The following DNAAF1 variants were observed in gnomAD, a reference collection of about 807,000 sequenced individuals.
DNAAF1 encodes the protein dynein assembly factor 1, axonemal.
Under a neutral mutation model 71.1 loss-of-function variants are expected in DNAAF1, and 65 were observed. The observed-to-expected ratio is 0.91, with a 90% confidence interval of 0.75 to 1.12. The LOEUF (loss-of-function observed/expected upper bound fraction) is 1.12. DNAAF1 is among the 50% of genes most tolerant of loss of function. The pLI is 0.00. For missense variants in DNAAF1, 1,178 were observed against 899.8 expected, an observed-to-expected ratio of 1.31 and a Z score of -3.96; for synonymous variants, 414 against 354.6, an observed-to-expected ratio of 1.17 and a Z score of -1.88.
At chr16:84,155,058 A>C (rs573530384) in intron 4 of DNAAF1, among the ~76,000 whole-genome samples, 1 of 151,902 alleles carries the variant, frequency 6.6e-6, no homozygotes, top group Non-Finnish European at 1.5e-5. Flanking sequence ...ACAGGCACCC[A>C]CCACCACACC....
At chr16:84,148,231 T>C (rs1306279762) in intron 1 of DNAAF1, among the ~76,000 whole-genome samples, 18 of 152,206 alleles carry the variant, frequency 1.2e-4, no homozygotes, top group Admixed American at 1.2e-3. Context: ...GTGTATAGTA[T>C]TGCTTTGCAT....
Position 84,166,011 on chromosome 16 carries a change from C to G in DNAAF1, c.1030+62C>G, listed in dbSNP as rs11866161. On this transcript the variant is annotated intron_variant, in intron 7 of 11. Transcript: ENST00000378553. ...CTTTGAGATTAGGCAAGTCTAAGCT[C>G]TCAAACCCAGTCTTTAATCTTGGGA... The G allele has an allele frequency of 7.5e-3, 11,264 of 1,495,338 alleles. 679 individuals are homozygous for G. In the African/African-American group the frequency reaches 0.14, roughly 18 times the overall value. The allele number at this position is 1,495,338 out of a possible 1,614,324, so 92.6% of individuals were successfully genotyped here.
chr16:84,155,154 C>T (rs539158946), intron 4 of DNAAF1, among the ~76,000 whole-genome samples: 9 of 152,264 alleles, frequency 5.9e-5, no homozygotes, highest in South Asian at 4.1e-4. Context: ...GTGATCCGCC[C>T]GCCTTGGCCT....
chr16:84,159,095 G>A, intron 5 of DNAAF1: 9 of 992,678 alleles, frequency 9.1e-6, no homozygotes, highest in Non-Finnish European at 1.1e-5. Context: ...ATTTAAAGAT[G>A]GGGGAGGATG....
intron 8 of DNAAF1, among the ~76,000 whole-genome samples, chr16:84,170,622 C>G (rs1307452069): frequency 6.6e-6 from 1 of 150,822 alleles, no homozygotes; most frequent in Non-Finnish European, 1.5e-5. Flanking sequence ...CTGATTGAGG[C>G]CAGGAGTTTC....
intron 1 of DNAAF1, among the ~76,000 whole-genome samples, chr16:84,148,555 A>C (rs2087022185): frequency 1.4e-5 from 2 of 144,058 alleles, no homozygotes; most frequent in South Asian, 2.2e-4. Flanking sequence ...AATGCTTTAA[A>C]AATTGTTACA....
In DNAAF1 at chr16:84,170,258, C is replaced by T. The variant is rs769351361; in HGVS notation, c.1430C>T (p.Pro477Leu). ...TLPAETLLLSPPVKVKGEDGD... is the reference protein window; with the variant it reads ...TLPAETLLLSLPVKVKGEDGD... ...CCAGCTGAGACCCTGCTACTGTCAC[C>T]GCCTGTGAAGGTTAAAGGAGAGGAT... Residue 477 changes from proline to leucine, a missense_variant, in exon 8 of 12, where the codon CCG becomes CTG. By Grantham distance (98) the Pro-to-Leu change is moderately conservative (BLOSUM62 -3). Transcript: ENST00000378553. The T allele has an allele frequency of 1.2e-5, 19 of 1,609,792 alleles. No individual in the cohort carries two copies. The highest frequency in any genetic ancestry group is 2.7e-5 in the African/African-American group (2 of 74,752).
At chr16:84,167,904 C>G (rs2088109841) in intron 7 of DNAAF1, among the ~76,000 whole-genome samples, 1 of 152,014 alleles carries the variant, frequency 6.6e-6, no homozygotes, top group Admixed American at 6.5e-5. Context: ...ATAATCCCAG[C>G]TACTTGGGAG....
intron 3 of DNAAF1, 84 bp downstream of exon 3, chr16:84,150,426 T>G: frequency 9.6e-7 from 1 of 1,037,164 alleles, no homozygotes. Context: ...AGGGATCACC[T>G]TTAGTTCTCA....
At position 84,177,743 on chromosome 16, in the gene DNAAF1, G is replaced by T. The variant is rs376164700; in HGVS notation, c.2080G>T (p.Ala694Ser). 6.2e-7 allele frequency: 1 copy of T among 1,613,720 alleles called. No homozygotes were observed. Among genetic ancestry groups the T allele is most frequent in the South Asian group, 1.1e-5 (1 of 91,076 alleles). ...TCCTTCCACAGTGCCGACTGAGAGC[G>T]CCGCCACACCCCCAGAGACGTGTGT... ...AASSPVPTESAATPPETCVGV... is the reference protein window; with the variant it reads ...AASSPVPTESSATPPETCVGV... The change falls in exon 12 of 12, where the codon GCC (alanine) becomes TCC (serine). Residue 694 changes from alanine to serine, a missense_variant. By Grantham distance (99) the Ala-to-Ser change is moderately conservative (BLOSUM62 1). Transcript: ENST00000378553.
At chr16:84,156,690 T>C (rs1018675965) in intron 5 of DNAAF1, among the ~76,000 whole-genome samples, 2 of 152,202 alleles carry the variant, frequency 1.3e-5, no homozygotes, top group African/African-American at 4.8e-5. Context: ...TCTCTCAGCA[T>C]CTGTTAGCTA....
chr16:84,174,278 G>A (rs2088537702), intron 9 of DNAAF1: 2 of 1,082,362 alleles, frequency 1.8e-6, no homozygotes, highest in African/African-American at 1.7e-5. Context: ...CAAGTTTTGG[G>A]GAGGTACAAA....
At position 84,176,233 on chromosome 16, in the gene DNAAF1, A is replaced by G; in HGVS notation, c.1999A>G (p.Arg667Gly). 4 of 1,613,748 alleles carry G rather than the reference A, an allele frequency of 2.5e-6. No homozygotes were observed. The highest frequency in any genetic ancestry group is 3.4e-6 in the Non-Finnish European group (4 of 1,180,018). ...GCTACTGATGCCCCCCACCTGCCAA[A>G]GAGATGCTGCACCACTCACTTCCAG... ...GQLLMPPTCQ[R>G]DAAPLTSSGD... Residue 667 changes from arginine (R) to glycine (G), a missense_variant, in exon 11 of 12, where the codon AGA becomes GGA. Physicochemically the swap from Arg to Gly is moderately radical, Grantham distance 125. Transcript: ENST00000378553.
Position 84,145,494 on chromosome 16 carries a change from C to A in DNAAF1, c.54C>A (p.Cys18Ter), listed in dbSNP as rs1282963935. The change falls in exon 1 of 12, where the codon TGC (cysteine) becomes TGA (stop). Residue 18 changes from cysteine to a stop codon, truncating the protein, a stop_gained. Transcript: ENST00000378553. LOFTEE classifies it high-confidence loss of function. ...CAGGTGGTGCAGCAGAGCTGGATTGCGCGCAGGAGCCCGGCGTGGAGGAGT... is the reference window on the plus strand; with the variant it reads ...CAGGTGGTGCAGCAGAGCTGGATTGAGCGCAGGAGCCCGGCGTGGAGGAGT... ...PATGGAAELD[C>*]AQEPGVEESA... 2 of 1,569,524 alleles carry A rather than the reference C, an allele frequency of 1.3e-6. No homozygotes were observed. Among genetic ancestry groups the A allele is most frequent in the South Asian group, 2.3e-5 (2 of 85,380 alleles).
Position 84,176,147 on chromosome 16 carries a change from A to G in DNAAF1, c.1913A>G (p.Gln638Arg), listed in dbSNP as rs761321564. Residue 638 changes from glutamine to arginine, a missense_variant, in exon 11 of 12, where the codon CAA (glutamine) becomes CGA (arginine). Coordinates refer to ENST00000378553, the MANE Select transcript of DNAAF1 (RefSeq NM_178452.6). The stretch of plus-strand genomic sequence containing the variant: ...AAGAGGGACTTGGAAATCCGAAAAC[A>G]AGACACCAAGTCCCCAAGACCCCTG... ...EAKRDLEIRK[Q>R]DTKSPRPLIQ... 6.2e-7 allele frequency: 1 copy of G among 1,614,090 alleles called. No homozygotes were observed. The highest frequency in any genetic ancestry group is 2.2e-5 in the East Asian group (1 of 44,876).
chr16:84,159,556 G>A, intron 5 of DNAAF1, 119 bp from the exon 6 acceptor site: 1 of 1,363,102 alleles, frequency 7.3e-7, no homozygotes, highest in East Asian at 2.6e-5. Context: ...ACAGGATATT[G>A]GCACTTCTAT....
At chr16:84,166,944 A>G (rs2088040195) in intron 7 of DNAAF1, among the ~76,000 whole-genome samples, 1 of 152,110 alleles carries the variant, frequency 6.6e-6, no homozygotes. Context: ...ACACCCACCA[A>G]TTCTCTGACA....
chr16:84,175,227 G>C (rs542474828), intron 10 of DNAAF1: 19 of 213,978 alleles, frequency 8.9e-5, no homozygotes, highest in African/African-American at 3.9e-4. Context: ...AAGATTTTAT[G>C]ATGAACCACT....
rs2088633741 is a variant in DNAAF1, at chr16:84,176,027, T to TCC, written c.1796_1797dup (p.Thr600ProfsTer48). 6.2e-7 allele frequency: 1 copy of TCC among 1,613,946 alleles called. No homozygotes were observed. Among genetic ancestry groups the TCC allele is most frequent in the Non-Finnish European group, 8.5e-7 (1 of 1,180,016 alleles). ...ACGTCACTCCCTGTGCTGGAAAACC[T>TCC]CCCCACAGACACTCTGTCAAATATA... is the stretch of plus-strand genomic sequence containing the variant. On this transcript the variant is annotated frameshift_variant, in exon 11 of 12. Coordinates refer to ENST00000378553, the MANE Select transcript of DNAAF1 (RefSeq NM_178452.6). LOFTEE classifies it high-confidence loss of function.
Sources: allele counts gnomAD v4.1 joint callset (sites outside exome capture counted in the v4.1 genomes callset), GRCh38; gene constraint gnomAD v4.1.1; transcripts MANE v1.5; gene names NCBI Gene and HGNC (gene_info 2026-07-23, HGNC 2026-07-21).